The following CRTC2 variants were observed in gnomAD, a reference collection of about 807,000 sequenced individuals.
The protein encoded by CRTC2 is CREB-regulated transcription coactivator 2.
CRTC2 carries 25 observed loss-of-function variants against 70.9 expected under a neutral mutation model. The ratio of observed to expected loss-of-function variants is 0.35; its 90% confidence interval spans 0.26 to 0.49. The LOEUF (loss-of-function observed/expected upper bound fraction) is 0.49. CRTC2 is among the 20% of genes least tolerant of loss of function. The pLI, the probability that CRTC2 is intolerant of heterozygous loss-of-function variation, is 0.98. For synonymous variants in CRTC2, 330 were observed against 364.1 expected (o/e 0.91, Z 1.07); for missense variants, 737 against 882.6 (o/e 0.83, Z 2.09).
rs1318912067 is a variant in CRTC2, at chr1:153,952,564, C to T, written c.702+7G>A. ...CTAGTGGGTGACACCCGGTGGCCTC[C>T]TCCTACCTTCTTAGCATCCCATGGC... On this transcript the variant is annotated splice_region_variant and intron_variant, in intron 8 of 13. Transcript: ENST00000368633. 6.2e-7 allele frequency: 1 copy of T among 1,614,024 alleles called. No homozygotes were observed. Among genetic ancestry groups the T allele is most frequent in the African/African-American group, 1.3e-5 (1 of 74,938 alleles).
chr1:153,952,139 G>C lies in CRTC2; in HGVS notation c.876C>G (p.Asp292Glu). Residue 292 changes from aspartate to glutamate, a missense_variant, in exon 10 of 14, where the codon GAC (aspartate) becomes GAG (glutamate). Asp to Glu is a conservative substitution (Grantham distance 45). Transcript: ENST00000368633. The part of the protein sequence containing the change: ...HFPPPLPTPL[D>E]PEETAYPSLS... ...GGCTAGGGTAGGCTGTCTCTTCAGG[G>C]TCCAGGGGGGTGGGCAGTGGTGGGG... 1 of 1,614,090 alleles carries C rather than the reference G, an allele frequency of 6.2e-7. No homozygotes were observed. The highest frequency in any genetic ancestry group is 1.1e-5 in the South Asian group (1 of 91,076).
chr1:153,954,311 G>A lies in CRTC2; in HGVS notation c.378C>T (p.Asp126=), dbSNP rs758205199. ...SPLRRYTRHI[D]SSPYSPAYLS... Reference sequence around the variant, plus strand: ...AGTAGGCAGGACTATAGGGAGAGCTGTCAATGTGAACAGCACCAGTTAAGG... The same window carrying A: ...AGTAGGCAGGACTATAGGGAGAGCTATCAATGTGAACAGCACCAGTTAAGG... The change falls in exon 4 of 14, where the codon GAC becomes GAT. Residue 126 remains aspartate, a synonymous_variant. Transcript: ENST00000368633. The A allele has an allele frequency of 1.2e-6, 2 of 1,611,208 alleles. No homozygotes were observed. Among genetic ancestry groups the A allele is most frequent in the South Asian group, 1.1e-5 (1 of 90,572 alleles).
At position 153,952,000 on chromosome 1, in the gene CRTC2, G is replaced by A; in HGVS notation, c.997+18C>T. 1 of 1,608,318 alleles carries A rather than the reference G, an allele frequency of 6.2e-7. No individual in the cohort carries two copies. The highest frequency in any genetic ancestry group is 8.5e-7 in the Non-Finnish European group (1 of 1,177,596). On this transcript the variant is annotated intron_variant, in intron 10 of 13. Coordinates refer to ENST00000368633, the MANE Select transcript of CRTC2 (RefSeq NM_181715.3). ...TCAGGCAGCACCCAGTGGGCACATG[G>A]CCAGGACAGTCACTCACCTGGTGCA...
chr1:153,957,116 C>T (rs1680657427), intron 1 of CRTC2, among the ~76,000 whole-genome samples: 1 of 151,978 alleles, frequency 6.6e-6, no homozygotes, highest in Non-Finnish European at 1.5e-5. Context: ...TGTGCACATG[C>T]GTGCACAGAC....
intron 1 of CRTC2, chr1:153,957,965 A>T (rs1680720437): frequency 1.0e-6 from 1 of 966,326 alleles, no homozygotes; most frequent in African/African-American, 1.8e-5. Context: ...CAGGTTACAG[A>T]CAAGCAGCCC....
At chr1:153,952,289 T>C in intron 9 of CRTC2, 27 bp from the exon 10 acceptor site, 2 of 1,596,478 alleles carry the variant, frequency 1.3e-6, no homozygotes, top group East Asian at 2.2e-5. Context: ...AAAAGAAAGA[T>C]GTAAATAGGA....
At chr1:153,953,179 T>A (rs574384921) in intron 6 of CRTC2, 87 bp downstream of exon 6, 1 of 704,842 alleles carries the variant, frequency 1.4e-6, no homozygotes, top group East Asian at 3.2e-5. Flanking sequence ...TGAGACTCCG[T>A]CTCAAAAAAG....
rs554684414 is a variant in CRTC2, at chr1:153,958,293, T to TCCGCTCC, written c.153+45_153+51dup. On this transcript the variant is annotated intron_variant, in intron 1 of 13. Coordinates refer to ENST00000368633, the MANE Select transcript of CRTC2 (RefSeq NM_181715.3). ...CCGCCCCCGCCCCGCCTCTCCGGTC[T>TCCGCTCC]CCGCTCCGTAACTGCTCAGCTCTGC... is the stretch of plus-strand genomic sequence containing the variant. 2.1e-4 allele frequency: 324 copies of TCCGCTCC among 1,580,222 alleles called. No homozygotes were observed. In the African/African-American group the frequency reaches 3.6e-3, roughly 18 times the overall value.
intron 1 of CRTC2, among the ~76,000 whole-genome samples, chr1:153,957,637 C>G (rs1458117588): frequency 6.6e-6 from 1 of 152,084 alleles, no homozygotes; most frequent in East Asian, 1.9e-4. Context: ...CAGCCAACTC[C>G]CTAGAAAGCT....
At chr1:153,955,193 G>C (rs147009281) in intron 1 of CRTC2, 27 bp from the exon 2 acceptor site, 1 of 1,540,832 alleles carries the variant, frequency 6.5e-7, no homozygotes, top group African/African-American at 1.4e-5. Context: ...AAGTGGGAAT[G>C]TCAGGAGGGT....
intron 1 of CRTC2, among the ~76,000 whole-genome samples, chr1:153,955,640 T>A (rs1427624645): frequency 7.6e-6 from 1 of 132,184 alleles, no homozygotes; most frequent in African/African-American, 2.9e-5. Context: ...TTTATGTCAC[T>A]CCACTCTAGC....
chr1:153,953,257 G>T lies in CRTC2; in HGVS notation c.607+9C>A. 1 of 1,521,456 alleles carries T rather than the reference G, an allele frequency of 6.6e-7. No homozygotes were observed. The highest frequency in any genetic ancestry group is 8.9e-7 in the Non-Finnish European group (1 of 1,118,358). The allele number at this position is 1,521,456 out of a possible 1,614,324, so 94.2% of individuals were successfully genotyped here. The stretch of plus-strand genomic sequence containing the variant: ...TGGTTACTCCCAACCCTGGGACAGG[G>T]CCACTTACCCCCACGTCGGCTGGGC... On this transcript the variant is annotated intron_variant, in intron 6 of 13. Coordinates refer to ENST00000368633, the MANE Select transcript of CRTC2 (RefSeq NM_181715.3).
intron 1 of CRTC2, chr1:153,957,942 A>G (rs1223463963): frequency 2.5e-6 from 2 of 794,706 alleles, no homozygotes. Flanking sequence ...GGAGATCACA[A>G]ACTCAGAGGA....
Position 153,954,288 on chromosome 1 carries a change from T to C in CRTC2, c.401A>G (p.Tyr134Cys), listed in dbSNP as rs1680507478. 1.2e-6 allele frequency: 2 copies of C among 1,612,648 alleles called. No individual in the cohort carries two copies. Among genetic ancestry groups the C allele is most frequent in the East Asian group, 4.5e-5 (2 of 44,874 alleles). ...GCTAGACTCTGGGGGAGGAGATAAG[T>C]AGGCAGGACTATAGGGAGAGCTGTC... ...HIDSSPYSPAYLSPPPESSWR... is the reference protein window; with the variant it reads ...HIDSSPYSPACLSPPPESSWR... The change falls in exon 4 of 14, where the codon TAC becomes TGC. Residue 134 changes from tyrosine to cysteine, a missense_variant. By Grantham distance (194) the Tyr-to-Cys change is radical. This residue lies in a region of CRTC2 where 699 missense variants were observed against 823.7 expected (regional missense o/e 0.85). Transcript: ENST00000368633.
In CRTC2 at chr1:153,949,148, G is replaced by C; in HGVS notation, c.1641C>G (p.Tyr547Ter). Residue 547 changes from tyrosine to a stop codon, truncating the protein, a stop_gained, in exon 12 of 14, where the codon TAC becomes TAG. Coordinates refer to ENST00000368633, the MANE Select transcript of CRTC2 (RefSeq NM_181715.3). LOFTEE classifies it high-confidence loss of function. ...PGPSGHGQQS[Y>*]HRPMSDFNLG... The stretch of plus-strand genomic sequence containing the variant: ...GGTTGAAGTCACTCATTGGCCGGTG[G>C]TAAGACTGTTGCCCATGCCCACTGG... 6.2e-7 allele frequency: 1 copy of C among 1,612,700 alleles called. No homozygotes were observed. Among genetic ancestry groups the C allele is most frequent in the Non-Finnish European group, 8.5e-7 (1 of 1,179,282 alleles).
chr1:153,954,732 G>A, intron 3 of CRTC2, 141 bp downstream of exon 3: 1 of 730,118 alleles, frequency 1.4e-6, no homozygotes, highest in Non-Finnish European at 2.3e-6. Flanking sequence ...CAGGGGCTAT[G>A]GTCGCTTTTC....
In CRTC2 at chr1:153,951,616, G is replaced by C. The variant is rs1394182813; in HGVS notation, c.1048C>G (p.Pro350Ala). ...CTGCTCAGGGAAGCCTGGAGGTTGG[G>C]ATTGCTTAGGGAGGACTGCAGGGAT... ...HPSLQSSLSN[P>A]NLQASLSSPQ... The change falls in exon 11 of 14, where the codon CCC (proline) becomes GCC (alanine). Residue 350 changes from proline to alanine, a missense_variant. Physicochemically the swap from Pro to Ala is conservative, Grantham distance 27. This residue lies in a region of CRTC2 where 699 missense variants were observed against 823.7 expected (regional missense o/e 0.85). Transcript: ENST00000368633. 1 of 1,613,700 alleles carries C rather than the reference G, an allele frequency of 6.2e-7. No individual in the cohort carries two copies. The highest frequency in any genetic ancestry group is 8.5e-7 in the Non-Finnish European group (1 of 1,179,840).
intron 9 of CRTC2, 48 bp from the exon 10 acceptor site, chr1:153,952,310 A>G: frequency 6.3e-7 from 1 of 1,599,350 alleles, no homozygotes; most frequent in Middle Eastern, 1.7e-4. Context: ...GGGTGGGTGC[A>G]GTGGTCAGGG....
intron 12 of CRTC2, 171 bp from the exon 13 acceptor site, chr1:153,948,815 G>A (rs758427729): frequency 1.9e-5 from 15 of 795,550 alleles, no homozygotes; most frequent in Admixed American, 1.0e-4. Context: ...GGGGCCCGAA[G>A]TAAGTATGGG....
Sources: gnomAD v4.1 joint callset for allele counts (sites outside exome capture counted in the v4.1 genomes callset) on GRCh38, gnomAD v4.1.1 for gene constraint, gnomAD v4.1.1 regional missense constraint, MANE v1.5 for transcripts, NCBI Gene and HGNC (gene_info 2026-07-23, HGNC 2026-07-21) for gene names.